The following DLC1 variants were observed in gnomAD, a reference collection of about 807,000 sequenced individuals.
DLC1 encodes rho GTPase-activating protein 7.
DLC1 carries 54 observed loss-of-function variants against 140.3 expected under a neutral mutation model. That is an observed-to-expected ratio of 0.38 (90% CI 0.31 to 0.48). The LOEUF (loss-of-function observed/expected upper bound fraction) is 0.48, where lower values mean the gene tolerates loss of function less well. DLC1 is among the 20% of genes least tolerant of loss of function. The pLI, the probability that DLC1 is intolerant of heterozygous loss-of-function variation, is 0.96. For synonymous variants in DLC1, 986 were observed against 728.1 expected (o/e 1.35, Z -5.70); for missense variants, 2,536 against 1,907.0 (o/e 1.33, Z -6.14).
intron 5 of DLC1, among the ~76,000 whole-genome samples, chr8:13,258,800 G>C (rs1246780406): frequency 2.0e-5 from 3 of 152,116 alleles, no homozygotes; most frequent in Admixed American, 2.0e-4. Context: ...ACTGTCTGGA[G>C]CTAGACTCTA....
At chr8:13,235,841 C>G (rs1829252593) in intron 5 of DLC1, among the ~76,000 whole-genome samples, 1 of 151,794 alleles carries the variant, frequency 6.6e-6, no homozygotes, top group Admixed American at 6.6e-5. Flanking sequence ...TTAAAAGTGT[C>G]CATTAAAGCA....
intron 1 of DLC1, among the ~76,000 whole-genome samples, chr8:13,578,344 C>A (rs1665231927): frequency 6.6e-6 from 1 of 152,128 alleles, no homozygotes; most frequent in African/African-American, 2.4e-5. Flanking sequence ...ACTGTGTTTT[C>A]GTACTCTCTT....
At chr8:13,267,898 CATGTCTTTTCACT>C (rs1377711138) in intron 5 of DLC1, among the ~76,000 whole-genome samples, 1 of 151,972 alleles carries the variant, frequency 6.6e-6, no homozygotes, top group Non-Finnish European at 1.5e-5. Flanking sequence ...AATAATATGC[CATGTCTTTTCACT>C]ATGTCTTGGT....
At chr8:13,387,565 T>C (rs1006980114) in intron 4 of DLC1, among the ~76,000 whole-genome samples, 1 of 152,060 alleles carries the variant, frequency 6.6e-6, no homozygotes, top group Admixed American at 6.6e-5. Flanking sequence ...ATCATATGTA[T>C]GGGATATGTG....
intron 1 of DLC1, among the ~76,000 whole-genome samples, chr8:13,539,872 A>C (rs529376465): frequency 1.5e-4 from 23 of 152,228 alleles, no homozygotes; most frequent in African/African-American, 5.3e-4. Context: ...GAAACACTCC[A>C]GGAAGTGCTG....
intron 1 of DLC1, among the ~76,000 whole-genome samples, chr8:13,586,084 T>C (rs573530987): frequency 2.0e-5 from 3 of 152,160 alleles, no homozygotes; most frequent in Non-Finnish European, 4.4e-5. Context: ...GAAAATATAC[T>C]GATGACCAGG....
chr8:13,085,569 C>T lies in DLC1; in HGVS notation c.*242G>A, dbSNP rs1489949192. 8.3e-6 allele frequency: 3 copies of T among 363,022 alleles called. No individual in the cohort carries two copies. The South Asian group carries it at 2.0e-4, about 25-fold the overall frequency. The allele number at this position is 363,022 out of a possible 1,614,324, so 22.5% of individuals were successfully genotyped here. A position where few individuals can be genotyped will look rare whatever the true frequency, so the allele number is the denominator to read the frequency against. On this transcript the variant is annotated 3_prime_UTR_variant, in exon 18 of 18. Transcript: ENST00000276297. Reference sequence around the variant, plus strand: ...CTCAGAAGCAATTTGAATAAGAATACACATAAATTTTTTTTTTTTTTTTGC... The same window carrying T: ...CTCAGAAGCAATTTGAATAAGAATATACATAAATTTTTTTTTTTTTTTTGC...
intron 1 of DLC1, among the ~76,000 whole-genome samples, chr8:13,513,026 T>G (rs996803521): frequency 2.0e-5 from 3 of 150,938 alleles, no homozygotes; most frequent in African/African-American, 7.3e-5. Flanking sequence ...AAAGCACCCT[T>G]CTACTGGACA....
At chr8:13,523,629 T>C (rs897451816) in intron 1 of DLC1, among the ~76,000 whole-genome samples, 1 of 152,102 alleles carries the variant, frequency 6.6e-6, no homozygotes, top group African/African-American at 2.4e-5. Context: ...GACAAATACC[T>C]AATTGGCTAT....
chr8:13,170,531 C>T (rs764080093), intron 5 of DLC1, among the ~76,000 whole-genome samples: 1 of 152,030 alleles, frequency 6.6e-6, no homozygotes, highest in African/African-American at 2.4e-5. Context: ...GAAATCGAGA[C>T]CATCCTGGCC....
chr8:13,163,066 A>G (rs1426415216), intron 5 of DLC1, among the ~76,000 whole-genome samples: 3 of 152,196 alleles, frequency 2.0e-5, no homozygotes, highest in Non-Finnish European at 4.4e-5. Flanking sequence ...CTGTACAGGC[A>G]GGCATACAAC....
intron 5 of DLC1, among the ~76,000 whole-genome samples, chr8:13,250,878 C>A (rs1052303852): frequency 1.3e-5 from 2 of 151,676 alleles, no homozygotes; most frequent in African/African-American, 4.8e-5. Flanking sequence ...AATACAAAAG[C>A]AAGAAGGATA....
At chr8:13,206,641 G>C (rs1227936172) in intron 5 of DLC1, among the ~76,000 whole-genome samples, 2 of 152,016 alleles carry the variant, frequency 1.3e-5, no homozygotes, top group Non-Finnish European at 2.9e-5. Context: ...TAATAAACGA[G>C]CTATTTTAGC....
chr8:13,359,227 C>T (rs113715219), intron 4 of DLC1, among the ~76,000 whole-genome samples: 1,923 of 152,200 alleles, frequency 0.013, 39 homozygotes, highest in African/African-American at 0.043. Context: ...CGTGAGCCAC[C>T]GCACCCATCC....
chr8:13,363,674 C>A (rs927369448), intron 4 of DLC1, among the ~76,000 whole-genome samples: 14 of 151,884 alleles, frequency 9.2e-5, no homozygotes, highest in South Asian at 2.1e-4. Flanking sequence ...ACAAAAAAAA[C>A]CAAAAGGAAA....
At chr8:13,459,941 TG>T (rs1330687871) in intron 2 of DLC1, among the ~76,000 whole-genome samples, 1 of 152,164 alleles carries the variant, frequency 6.6e-6, no homozygotes, top group Non-Finnish European at 1.5e-5. Flanking sequence ...TTGTGTGTAT[TG>T]TGCCGGGAAG....
intron 5 of DLC1, among the ~76,000 whole-genome samples, chr8:13,213,826 C>G (rs1828061759): frequency 6.6e-6 from 1 of 151,806 alleles, no homozygotes; most frequent in South Asian, 2.1e-4. Flanking sequence ...CTCTGTTGCC[C>G]AGCCTGGAGT....
At chr8:13,336,753 GTTAA>G (rs1446386754) in intron 4 of DLC1, among the ~76,000 whole-genome samples, 3 of 152,090 alleles carry the variant, frequency 2.0e-5, no homozygotes, top group African/African-American at 4.8e-5. Flanking sequence ...ACAAAATAGT[GTTAA>G]TTAATCAATT....
chr8:13,334,998 G>C (rs1304189038), intron 4 of DLC1, among the ~76,000 whole-genome samples: 1 of 152,160 alleles, frequency 6.6e-6, no homozygotes, highest in Non-Finnish European at 1.5e-5. Context: ...AGAAAATCTG[G>C]CTCAGGGGCT....
Sources: gnomAD v4.1 joint callset for allele counts (sites outside exome capture counted in the v4.1 genomes callset) on GRCh38, gnomAD v4.1.1 for gene constraint, MANE v1.5 for transcripts, NCBI Gene and HGNC (gene_info 2026-07-23, HGNC 2026-07-21) for gene names.